AAGAB: variants seen among roughly 807,000 people sequenced by gnomAD.
The protein encoded by AAGAB is alpha and gamma adaptin binding protein.
Under a neutral mutation model 44.1 loss-of-function variants are expected in AAGAB, and 38 were observed. The ratio of observed to expected loss-of-function variants is 0.86; its 90% CI spans 0.67 to 1.13. The LOEUF is 1.13. AAGAB is among the 50% of genes most tolerant of loss of function. The pLI is 0.00. For synonymous variants in AAGAB, 131 were observed against 131.8 expected, an observed-to-expected ratio of 0.99 and a Z score of 0.04; for missense variants, 450 against 373.8, an observed-to-expected ratio of 1.20 and a Z score of -1.68.
intron 1 of AAGAB, among the ~76,000 whole-genome samples, chr15:67,243,223 G>C (rs1964645182): frequency 6.6e-6 from 1 of 151,988 alleles, no homozygotes; most frequent in African/African-American, 2.4e-5. Flanking sequence ...ACACACACAA[G>C]AACATAAAGA....
intron 5 of AAGAB, among the ~76,000 whole-genome samples, chr15:67,225,389 T>C (rs1422693844): frequency 1.3e-5 from 2 of 152,056 alleles, no homozygotes; most frequent in African/African-American, 2.4e-5. Context: ...ATTTCCTTCT[T>C]TTCTTTCTTT....
At chr15:67,253,898 G>GC (rs1403433194) in intron 1 of AAGAB, among the ~76,000 whole-genome samples, 1 of 152,138 alleles carries the variant, frequency 6.6e-6, no homozygotes, top group East Asian at 1.9e-4. Flanking sequence ...ACTTCACAGA[G>GC]CCCTTTAGTA....
intron 1 of AAGAB, among the ~76,000 whole-genome samples, chr15:67,250,748 C>T (rs1043715404): frequency 1.1e-4 from 17 of 151,972 alleles, no homozygotes; most frequent in East Asian, 3.9e-4. Flanking sequence ...ACCCTGTCGC[C>T]GGGTGCGGTG....
At chr15:67,210,070 T>C (rs1263462210) in intron 5 of AAGAB, among the ~76,000 whole-genome samples, 1 of 152,238 alleles carries the variant, frequency 6.6e-6, no homozygotes, top group African/African-American at 2.4e-5. Context: ...CCAGTGGTTC[T>C]ATTTGCAAAG....
intron 1 of AAGAB, among the ~76,000 whole-genome samples, chr15:67,241,918 A>C (rs1410845602): frequency 6.6e-6 from 1 of 152,086 alleles, no homozygotes; most frequent in Non-Finnish European, 1.5e-5. Context: ...CACCCCCTAA[A>C]ATAAAGTTGA....
chr15:67,249,685 C>T (rs1964816859), intron 1 of AAGAB, among the ~76,000 whole-genome samples: 1 of 152,176 alleles, frequency 6.6e-6, no homozygotes, highest in African/African-American at 2.4e-5. Flanking sequence ...TCATTGCTTA[C>T]ACCAGTGCCA....
At chr15:67,253,432 C>G (rs1291428209) in intron 1 of AAGAB, among the ~76,000 whole-genome samples, 1 of 150,426 alleles carries the variant, frequency 6.6e-6, no homozygotes, top group African/African-American at 2.4e-5. Flanking sequence ...TATCTCAAAA[C>G]AAAAATAAAA....
At chr15:67,218,380 T>C (rs1477519015) in intron 5 of AAGAB, among the ~76,000 whole-genome samples, 2 of 152,156 alleles carry the variant, frequency 1.3e-5, no homozygotes, top group Non-Finnish European at 2.9e-5. Flanking sequence ...ACTGACACTT[T>C]AAACAAGGTC....
chr15:67,223,232 C>T (rs1176919249), intron 5 of AAGAB, among the ~76,000 whole-genome samples: 2 of 152,286 alleles, frequency 1.3e-5, no homozygotes, highest in East Asian at 3.9e-4. Context: ...GTTTTAAATG[C>T]CTTTCTCCCC....
intron 5 of AAGAB, among the ~76,000 whole-genome samples, chr15:67,214,381 A>C (rs1567017782): frequency 6.6e-6 from 1 of 152,214 alleles, no homozygotes; most frequent in Non-Finnish European, 1.5e-5. Flanking sequence ...AGGCTCCATT[A>C]TCTCTTCACT....
Position 67,224,055 on chromosome 15 carries a change from C to A in AAGAB, c.535+7759G>T, listed in dbSNP as rs189303986. Among the ~76,000 whole-genome samples, 289 of 152,284 alleles carry A rather than the reference C, an allele frequency of 1.9e-3. 2 individuals carry two copies. Among genetic ancestry groups the A allele is most frequent in the African/African-American group, 6.6e-3 (276 of 41,562 alleles). On this transcript the variant is annotated intron_variant, in intron 5 of 9. Coordinates refer to ENST00000261880, the MANE Select transcript of AAGAB (RefSeq NM_024666.5). ...CCCTAACTCTGCTTTATTATTTTCCCAAATCACTTATCATCTCCTAATACA... is the reference window on the plus strand; with the variant it reads ...CCCTAACTCTGCTTTATTATTTTCCAAAATCACTTATCATCTCCTAATACA...
chr15:67,204,186 T>C, intron 7 of AAGAB, 38 bp from the exon 8 acceptor site: 1 of 1,389,252 alleles, frequency 7.2e-7, no homozygotes, highest in Non-Finnish European at 1.0e-6. Context: ...GTCACGTTAT[T>C]TGCATATGTG....
intron 1 of AAGAB, 78 bp from the exon 2 acceptor site, chr15:67,236,898 A>C: frequency 2.6e-6 from 3 of 1,140,678 alleles, no homozygotes; most frequent in Non-Finnish European, 3.7e-6. Context: ...CAGATACCAG[A>C]TAAAGCTGGT....
In AAGAB at chr15:67,201,635, G is replaced by A. The variant is rs1053170905; in HGVS notation, c.*1186C>T. On this transcript the variant is annotated 3_prime_UTR_variant, in exon 10 of 10. Coordinates refer to ENST00000261880, the MANE Select transcript of AAGAB (RefSeq NM_024666.5). ...GCCAGTTCAGAGCCACAGCAGTAAT[G>A]ATCACAGTGAGGGCTAATGATATGC... The A allele has an allele frequency of 6.6e-6, 1 of 152,306 alleles. No homozygotes were observed. The highest frequency in any genetic ancestry group is 2.4e-5 in the African/African-American group (1 of 41,446). The allele number at this position is 152,306 out of a possible 1,614,324, so 9.4% of individuals were successfully genotyped here. A position where few individuals can be genotyped will look rare whatever the true frequency, so the allele number is the denominator to read the frequency against.
intron 5 of AAGAB, among the ~76,000 whole-genome samples, chr15:67,230,617 C>CAA (rs1964312772): frequency 6.6e-6 from 1 of 152,172 alleles, no homozygotes; most frequent in Non-Finnish European, 1.5e-5. Flanking sequence ...TTCTGGCTTT[C>CAA]AGAACTATGA....
At chr15:67,216,277 A>T (rs1422888376) in intron 5 of AAGAB, among the ~76,000 whole-genome samples, 1 of 151,944 alleles carries the variant, frequency 6.6e-6, no homozygotes, top group Admixed American at 6.5e-5. Context: ...CCCCGTCTCT[A>T]CTAAAAATAC....
At chr15:67,234,135 C>T (rs1426232715) in intron 4 of AAGAB, among the ~76,000 whole-genome samples, 1 of 151,478 alleles carries the variant, frequency 6.6e-6, no homozygotes, top group Admixed American at 6.6e-5. Flanking sequence ...CGCCTGCAGT[C>T]CCAGCTACTT....
intron 5 of AAGAB, among the ~76,000 whole-genome samples, chr15:67,229,671 C>T (rs752984379): frequency 4.6e-5 from 7 of 152,060 alleles, no homozygotes; most frequent in Non-Finnish European, 1.0e-4. Context: ...TCTCTAATGA[C>T]GACAAGGGTT....
intron 1 of AAGAB, among the ~76,000 whole-genome samples, chr15:67,247,756 A>G (rs1964762685): frequency 6.6e-6 from 1 of 152,246 alleles, no homozygotes; most frequent in Non-Finnish European, 1.5e-5. Flanking sequence ...CTGTATACCA[A>G]TAGAGTCATT....
Sources: allele counts gnomAD v4.1 joint callset (sites outside exome capture counted in the v4.1 genomes callset), GRCh38; gene constraint gnomAD v4.1.1; transcripts MANE v1.5; gene names NCBI Gene and HGNC (gene_info 2026-07-23, HGNC 2026-07-21).